DOK5: variants seen among roughly 807,000 people sequenced by gnomAD.
DOK5 encodes the protein docking protein 5.
DOK5 carries 27 observed loss-of-function variants against 43.3 expected under a neutral mutation model. The ratio of observed to expected loss-of-function variants is 0.62; its 90% CI spans 0.46 to 0.86. The LOEUF is 0.86. DOK5 is among the 40% of genes least tolerant of loss of function. The pLI, the probability that DOK5 is intolerant of heterozygous loss-of-function variation, is 0.00. For synonymous variants in DOK5, 146 were observed against 140.1 expected (o/e 1.04, Z -0.30); for missense variants, 373 against 392.9 (o/e 0.95, Z 0.43).
chr20:54,592,707 A>T (rs140014142), intron 5 of DOK5, among the ~76,000 whole-genome samples: 2,660 of 151,566 alleles, frequency 0.018, 95 homozygotes, highest in African/African-American at 0.061. Flanking sequence ...CGCCTCGCTA[A>T]TTTTTTTGTA....
At chr20:54,635,691 C>T (rs188850631) in intron 6 of DOK5, among the ~76,000 whole-genome samples, 24 of 152,290 alleles carry the variant, frequency 1.6e-4, no homozygotes, top group Admixed American at 1.4e-3. Context: ...AGCCCAACCA[C>T]CTTGGGCAGA....
chr20:54,525,336 C>T (rs375303663), intron 1 of DOK5, among the ~76,000 whole-genome samples: 30 of 152,280 alleles, frequency 2.0e-4, no homozygotes, highest in African/African-American at 7.2e-4. Flanking sequence ...CCCTTTTGGA[C>T]TTGAACATTA....
intron 1 of DOK5, among the ~76,000 whole-genome samples, chr20:54,512,738 G>T (rs1264132289): frequency 6.6e-6 from 1 of 152,200 alleles, no homozygotes; most frequent in East Asian, 1.9e-4. Flanking sequence ...GTGTATATTA[G>T]TCTTCGGCCT....
chr20:54,603,649 G>A (rs1426951352), intron 5 of DOK5, among the ~76,000 whole-genome samples: 2 of 152,168 alleles, frequency 1.3e-5, no homozygotes, highest in East Asian at 3.9e-4. Context: ...AGAGGCCGGG[G>A]ATGCTGCTCA....
intron 1 of DOK5, among the ~76,000 whole-genome samples, chr20:54,487,920 A>G (rs1982004159): frequency 6.6e-6 from 1 of 152,246 alleles, no homozygotes; most frequent in Non-Finnish European, 1.5e-5. Flanking sequence ...TTTATTTAAT[A>G]CAAGTTTCCA....
At chr20:54,507,984 G>C (rs1982873279) in intron 1 of DOK5, among the ~76,000 whole-genome samples, 1 of 152,174 alleles carries the variant, frequency 6.6e-6, no homozygotes, top group African/African-American at 2.4e-5. Context: ...GCTATGCAGA[G>C]AGTAGAATGT....
intron 2 of DOK5, among the ~76,000 whole-genome samples, chr20:54,575,951 T>G (rs1394053034): frequency 6.6e-6 from 1 of 152,198 alleles, no homozygotes; most frequent in African/African-American, 2.4e-5. Flanking sequence ...GTTGCATCAT[T>G]CTTTTAGTTT....
chr20:54,634,677 G>A (rs942939043), intron 6 of DOK5, among the ~76,000 whole-genome samples: 5 of 151,530 alleles, frequency 3.3e-5, no homozygotes, highest in African/African-American at 9.7e-5. Context: ...TCCTGACCTC[G>A]TGATCCTCCT....
chr20:54,512,465 G>A (rs1242759617), intron 1 of DOK5, among the ~76,000 whole-genome samples: 3 of 151,938 alleles, frequency 2.0e-5, no homozygotes, highest in Non-Finnish European at 4.4e-5. Context: ...TCATATTGGG[G>A]GTCAACTTAA....
At chr20:54,501,255 C>T (rs1415262288) in intron 1 of DOK5, among the ~76,000 whole-genome samples, 1 of 151,698 alleles carries the variant, frequency 6.6e-6, no homozygotes, top group Non-Finnish European at 1.5e-5. Flanking sequence ...ATCAGGAGGT[C>T]AGGAGATCGA....
At chr20:54,630,715 C>T (rs775737639) in intron 6 of DOK5, among the ~76,000 whole-genome samples, 1 of 152,134 alleles carries the variant, frequency 6.6e-6, no homozygotes, top group Non-Finnish European at 1.5e-5. Flanking sequence ...ACAGATTAGT[C>T]TGTTACACAA....
intron 1 of DOK5, among the ~76,000 whole-genome samples, chr20:54,528,619 A>G (rs762950479): frequency 6.6e-6 from 1 of 152,174 alleles, no homozygotes; most frequent in Non-Finnish European, 1.5e-5. Flanking sequence ...TCCTTGGCCA[A>G]TATTTGGTCA....
chr20:54,539,305 A>G (rs1051389233), intron 1 of DOK5, among the ~76,000 whole-genome samples: 54 of 134,402 alleles, frequency 4.0e-4, no homozygotes, highest in African/African-American at 1.8e-3. Flanking sequence ...AAAAAAAAAA[A>G]AAAAGTGGAG....
chr20:54,560,636 T>C (rs2146735410), intron 2 of DOK5, among the ~76,000 whole-genome samples: 1 of 152,290 alleles, frequency 6.6e-6, no homozygotes, highest in East Asian at 1.9e-4. Context: ...CTTTCCTTTT[T>C]TCAGATGGAG....
rs1446490241 is a variant in DOK5, at chr20:54,547,834, G to T, written c.67-7099G>T. On this transcript the variant is annotated intron_variant, in intron 1 of 7. Coordinates refer to ENST00000262593, the MANE Select transcript of DOK5 (RefSeq NM_018431.5). ...CTTATCTGCTTAAGCTTTGACAGTG[G>T]CCTGTGGGGATTGACTTGTTCAAAT... is the stretch of plus-strand genomic sequence containing the variant. Among the ~76,000 whole-genome samples the T allele has an allele frequency of 2.6e-5, 4 of 152,176 alleles. No individual in the cohort carries two copies. The East Asian group carries it at 7.7e-4, about 29-fold the overall frequency.
At chr20:54,490,722 T>G (rs1982135605) in intron 1 of DOK5, among the ~76,000 whole-genome samples, 2 of 152,198 alleles carry the variant, frequency 1.3e-5, no homozygotes, top group African/African-American at 4.8e-5. Flanking sequence ...AGTAAGTAGC[T>G]GGGACTACAG....
intron 2 of DOK5, among the ~76,000 whole-genome samples, chr20:54,571,404 A>T (rs1044213051): frequency 6.6e-6 from 1 of 152,108 alleles, no homozygotes; most frequent in Non-Finnish European, 1.5e-5. Context: ...ATTCTGAGAG[A>T]TTCCATTTGA....
At chr20:54,538,205 C>CTTTT (rs201764762) in intron 1 of DOK5, among the ~76,000 whole-genome samples, 1 of 142,088 alleles carries the variant, frequency 7.0e-6, no homozygotes, top group East Asian at 2.0e-4. Flanking sequence ...TTATTATGCA[C>CTTTT]TTTTTTTTTT....
intron 1 of DOK5, among the ~76,000 whole-genome samples, chr20:54,503,626 AC>A (rs1982694640): frequency 6.6e-6 from 1 of 152,186 alleles, no homozygotes; most frequent in Admixed American, 6.5e-5. Flanking sequence ...AGTGCCATTA[AC>A]AAAAAGCCAA....
Sources: gnomAD v4.1 joint callset for allele counts (sites outside exome capture counted in the v4.1 genomes callset) on GRCh38, gnomAD v4.1.1 for gene constraint, MANE v1.5 for transcripts, NCBI Gene and HGNC (gene_info 2026-07-23, HGNC 2026-07-21) for gene names.